PCDH9: variants seen among roughly 807,000 people sequenced by gnomAD.
The protein encoded by PCDH9 is protocadherin-9.
In PCDH9, 24 loss-of-function variants were observed where a neutral mutation model predicts 70.6. That is an observed-to-expected ratio of 0.34 (90% CI 0.25 to 0.48). PCDH9 has a LOEUF of 0.48. PCDH9 is among the 20% of genes least tolerant of loss of function. The probability of loss-of-function intolerance (pLI) is 0.99; values close to 1 mark genes in which losing one functional copy is unlikely to be tolerated. For missense variants in PCDH9, 1,281 were observed against 1,503.6 expected (o/e 0.85, Z 2.45); for synonymous variants, 562 against 558.5 (o/e 1.01, Z -0.09).
intron 4 of PCDH9, among the ~76,000 whole-genome samples, chr13:66,578,276 A>G (rs1278044158): frequency 2.0e-5 from 3 of 152,070 alleles, no homozygotes; most frequent in Non-Finnish European, 4.4e-5. Flanking sequence ...TTACCTACTC[A>G]GGGGAGGCTG....
intron 4 of PCDH9, among the ~76,000 whole-genome samples, chr13:66,390,460 G>C (rs1048681699): frequency 6.6e-6 from 1 of 152,154 alleles, no homozygotes. Flanking sequence ...GCAAGGCCAG[G>C]TGTGATGGCT....
intron 4 of PCDH9, among the ~76,000 whole-genome samples, chr13:66,427,964 T>C (rs1242313261): frequency 1.3e-5 from 2 of 150,768 alleles, no homozygotes; most frequent in African/African-American, 2.4e-5. Flanking sequence ...ATTAATATTA[T>C]ATGTTTTGAG....
At chr13:66,577,085 T>C (rs1171574876) in intron 4 of PCDH9, among the ~76,000 whole-genome samples, 1 of 151,996 alleles carries the variant, frequency 6.6e-6, no homozygotes, top group Non-Finnish European at 1.5e-5. Flanking sequence ...AACCTGGTAT[T>C]ATACAATTTA....
At chr13:66,744,638 C>CAT (rs1031165109) in intron 3 of PCDH9, among the ~76,000 whole-genome samples, 4 of 151,872 alleles carry the variant, frequency 2.6e-5, no homozygotes, top group South Asian at 2.1e-4. Flanking sequence ...ATAATATATA[C>CAT]ATATATATAA....
intron 4 of PCDH9, among the ~76,000 whole-genome samples, chr13:66,336,750 T>C (rs543426103): frequency 1.9e-4 from 29 of 152,174 alleles, no homozygotes; most frequent in Non-Finnish European, 1.2e-4. Context: ...CATCATTTTC[T>C]TTGTTTATCC....
intron 4 of PCDH9, among the ~76,000 whole-genome samples, chr13:66,309,280 T>A (rs1955522671): frequency 6.6e-6 from 1 of 152,040 alleles, no homozygotes; most frequent in African/African-American, 2.4e-5. Context: ...TTAAAGTCAG[T>A]GTCATAAATT....
chr13:66,978,761 G>A (rs939653373), intron 2 of PCDH9, among the ~76,000 whole-genome samples: 2 of 149,328 alleles, frequency 1.3e-5, no homozygotes, highest in African/African-American at 4.9e-5. Context: ...GTATATAAAT[G>A]TATATGATTT....
At position 66,304,726 on chromosome 13, in the gene PCDH9, G is replaced by A. The variant is rs780400010; in HGVS notation, c.3643C>T (p.Pro1215Ser). Residue 1215 changes from proline (P) to serine (S), a missense_variant, in exon 5 of 5, where the codon CCT (proline) becomes TCT (serine). Coordinates refer to ENST00000377865, the MANE Select transcript of PCDH9 (RefSeq NM_203487.3). ...TTATAAGACTTCAGATTTGCCAGAG[G>A]AATGTCTGTCATGTGGCTGCCATTG... The part of the protein sequence containing the change: ...FNNGSHMTDI[P>S]LANLKSYKQA... 1.5e-5 allele frequency: 25 copies of A among 1,612,970 alleles called. No individual in the cohort carries two copies. The highest frequency in any genetic ancestry group is 2.2e-5 in the East Asian group (1 of 44,858).
intron 4 of PCDH9, among the ~76,000 whole-genome samples, chr13:66,322,260 C>A (rs1434898439): frequency 6.6e-6 from 1 of 151,880 alleles, no homozygotes; most frequent in African/African-American, 2.4e-5. Flanking sequence ...CCATTCCATT[C>A]CCTCTGGTTA....
chr13:66,540,504 A>G (rs1049163366), intron 4 of PCDH9, among the ~76,000 whole-genome samples: 3 of 152,190 alleles, frequency 2.0e-5, no homozygotes, highest in Non-Finnish European at 4.4e-5. Flanking sequence ...TAAATTTTAA[A>G]GGTTTCTTAA....
intron 3 of PCDH9, among the ~76,000 whole-genome samples, chr13:66,714,223 C>T (rs1263101319): frequency 2.0e-5 from 3 of 151,850 alleles, no homozygotes; most frequent in East Asian, 1.9e-4. Flanking sequence ...CCCAGCACTT[C>T]GGGAGGCTGA....
chr13:66,428,656 A>G (rs1485507819), intron 4 of PCDH9, among the ~76,000 whole-genome samples: 1 of 151,750 alleles, frequency 6.6e-6, no homozygotes, highest in Non-Finnish European at 1.5e-5. Flanking sequence ...GATTGTATAT[A>G]TATGTATTTC....
chr13:67,023,004 T>C (rs1328225329), intron 2 of PCDH9, among the ~76,000 whole-genome samples: 1 of 152,194 alleles, frequency 6.6e-6, no homozygotes, highest in Non-Finnish European at 1.5e-5. Flanking sequence ...AAAATAGCAA[T>C]TTATTCACCA....
intron 3 of PCDH9, among the ~76,000 whole-genome samples, chr13:66,737,483 G>A (rs532495607): frequency 3.3e-5 from 5 of 152,280 alleles, no homozygotes; most frequent in African/African-American, 9.6e-5. Context: ...TTTGGAAGAG[G>A]GGGGAGGAGC....
chr13:66,394,214 A>T (rs1324614706), intron 4 of PCDH9, among the ~76,000 whole-genome samples: 2 of 152,176 alleles, frequency 1.3e-5, no homozygotes, highest in Non-Finnish European at 2.9e-5. Flanking sequence ...TAAATTCTAA[A>T]GGTACCCTTC....
chr13:67,083,085 C>A (rs1365637063), intron 2 of PCDH9, among the ~76,000 whole-genome samples: 1 of 152,008 alleles, frequency 6.6e-6, no homozygotes, highest in African/African-American at 2.4e-5. Flanking sequence ...AAAATGTTTT[C>A]TTCTTCTAAC....
intron 2 of PCDH9, among the ~76,000 whole-genome samples, chr13:67,051,947 G>A (rs942553420): frequency 6.6e-6 from 1 of 152,146 alleles, no homozygotes; most frequent in Non-Finnish European, 1.5e-5. Context: ...TCCCGGCAGT[G>A]TTAGCTATTA....
chr13:66,600,606 G>A lies in PCDH9; in HGVS notation c.3340+30604C>T, dbSNP rs957373826. Among the ~76,000 whole-genome samples, 50 of 151,746 alleles carry A rather than the reference G, an allele frequency of 3.3e-4. 1 individual carries two copies. Among genetic ancestry groups the A allele is most frequent in the Non-Finnish European group, 4.4e-5 (3 of 67,852 alleles). ...TGTCTGTTGCATATCCTGCACAACT[G>A]AAGTATTATATTGTCATATCTGTTT... On this transcript the variant is annotated intron_variant, in intron 4 of 4. Transcript: ENST00000377865.
intron 4 of PCDH9, among the ~76,000 whole-genome samples, chr13:66,534,100 C>A (rs899247829): frequency 3.3e-5 from 5 of 152,068 alleles, no homozygotes; most frequent in Admixed American, 6.6e-5. Context: ...AAATTCACAA[C>A]TGAAAATGCA....
Sources: gnomAD v4.1 joint callset for allele counts (sites outside exome capture counted in the v4.1 genomes callset) on GRCh38, gnomAD v4.1.1 for gene constraint, MANE v1.5 for transcripts, NCBI Gene and HGNC (gene_info 2026-07-23, HGNC 2026-07-21) for gene names.